The following TMC7 variants were observed in gnomAD, a reference collection of about 807,000 sequenced individuals.
TMC7 encodes the protein transmembrane channel like 7.
TMC7 carries 54 observed loss-of-function variants against 82.9 expected under a neutral mutation model. The observed-to-expected ratio is 0.65, with a 90% CI of 0.52 to 0.82. The LOEUF (loss-of-function observed/expected upper bound fraction) is 0.82. TMC7 is among the 40% of genes least tolerant of loss of function. The pLI is 0.00. For synonymous variants in TMC7, 350 were observed against 337.9 expected (o/e 1.04, Z -0.39); for missense variants, 820 against 901.2 (o/e 0.91, Z 1.15).
At chr16:19,057,138 C>G (rs1373801715) in intron 14 of TMC7, among the ~76,000 whole-genome samples, 1 of 151,950 alleles carries the variant, frequency 6.6e-6, no homozygotes, top group African/African-American at 2.4e-5. Flanking sequence ...GACCCTGTCT[C>G]AAAAACAAAT....
chr16:19,045,502 C>T (rs898646854), intron 11 of TMC7, 64 bp downstream of exon 11: 1 of 1,136,942 alleles, frequency 8.8e-7, no homozygotes, highest in Admixed American at 1.7e-5. Context: ...CACATACACA[C>T]ACACACAACT....
At position 18,987,529 on chromosome 16, in the gene TMC7, C is replaced by T. The variant is rs1471614584; in HGVS notation, c.67+3399C>T. Among the ~76,000 whole-genome samples the T allele has an allele frequency of 4.6e-5, 7 of 151,952 alleles. No individual in the cohort carries two copies. In the East Asian group the frequency reaches 1.4e-3, roughly 29 times the overall value. The stretch of plus-strand genomic sequence containing the variant: ...TTTCACTATGTTGGCTGGTCTCGAA[C>T]TCCTGACATCAAGTGATCCGCCCAC... On this transcript the variant is annotated intron_variant, in intron 1 of 15. Transcript: ENST00000304381.
chr16:19,025,315 C>T (rs372685038), intron 5 of TMC7, among the ~76,000 whole-genome samples: 1 of 152,066 alleles, frequency 6.6e-6, no homozygotes, highest in East Asian at 1.9e-4. Flanking sequence ...CTGAAAATTA[C>T]TGGTATCAAA....
intron 12 of TMC7, chr16:19,049,674 TTGGGTCA>T: frequency 1.0e-6 from 1 of 985,200 alleles, no homozygotes. Context: ...GGGTGATGGG[TTGGGTCA>T]TGGTGGGTAC....
chr16:19,025,372 C>T (rs1337176535), intron 5 of TMC7, among the ~76,000 whole-genome samples: 2 of 152,102 alleles, frequency 1.3e-5, no homozygotes, highest in East Asian at 3.9e-4. Flanking sequence ...AACCCCAGCA[C>T]TTCAGAGAGG....
At chr16:19,013,001 G>T (rs1180530632) in intron 2 of TMC7, among the ~76,000 whole-genome samples, 1 of 150,386 alleles carries the variant, frequency 6.6e-6, no homozygotes, top group African/African-American at 2.4e-5. Context: ...ATTTTTAGTA[G>T]AGACAGGGTT....
At chr16:19,042,502 C>T (rs935102251) in intron 9 of TMC7, among the ~76,000 whole-genome samples, 2 of 138,580 alleles carry the variant, frequency 1.4e-5, no homozygotes, top group African/African-American at 5.2e-5. Flanking sequence ...ATTATTCCTT[C>T]TTTTTTTTTT....
chr16:18,992,615 G>A (rs1475299901), intron 1 of TMC7, among the ~76,000 whole-genome samples: 15 of 152,152 alleles, frequency 9.9e-5, no homozygotes, highest in Non-Finnish European at 1.8e-4. Flanking sequence ...GATCCCTTTT[G>A]TCAATTTTGG....
At chr16:18,995,232 A>G (rs1485764154) in intron 1 of TMC7, among the ~76,000 whole-genome samples, 3 of 152,170 alleles carry the variant, frequency 2.0e-5, no homozygotes, top group African/African-American at 7.2e-5. Flanking sequence ...TACAACGGTT[A>G]TGGAGGCAAG....
At chr16:19,007,187 T>G (rs1295409813) in intron 1 of TMC7, among the ~76,000 whole-genome samples, 1 of 151,998 alleles carries the variant, frequency 6.6e-6, no homozygotes, top group Non-Finnish European at 1.5e-5. Context: ...AGGTTGTTGG[T>G]TCTTTTTGTA....
chr16:19,060,831 G>T (rs577038454), intron 15 of TMC7, among the ~76,000 whole-genome samples: 26 of 147,744 alleles, frequency 1.8e-4, no homozygotes, highest in African/African-American at 6.3e-4. Flanking sequence ...CTGTCACCCA[G>T]TCTGGAGTGC....
chr16:19,056,734 G>A lies in TMC7; in HGVS notation c.2027+37G>A, dbSNP rs769900749. 3.1e-6 allele frequency: 5 copies of A among 1,602,874 alleles called. No homozygotes were observed. In the African/African-American group the frequency reaches 6.7e-5, roughly 21 times the overall value. ...CCACCAGGACCCACTGAGGCACGTG[G>A]GCTCCTCCCATTGGGAAATGGCGGC... On this transcript the variant is annotated intron_variant, in intron 14 of 15. Transcript: ENST00000304381.
intron 1 of TMC7, among the ~76,000 whole-genome samples, chr16:18,992,376 T>C (rs7405443): frequency 0.46 from 70,203 of 151,748 alleles, 18,806 homozygotes; most frequent in East Asian, 0.76. Flanking sequence ...CATGTGTCTG[T>C]TGGCTTCTTA....
intron 7 of TMC7, among the ~76,000 whole-genome samples, chr16:19,037,044 C>T (rs543927910): frequency 3.6e-4 from 55 of 152,130 alleles, no homozygotes; most frequent in African/African-American, 1.3e-3. Flanking sequence ...TTGCAAAGCC[C>T]AATTGCAGTC....
chr16:19,003,235 A>G (rs1276171800), intron 1 of TMC7, among the ~76,000 whole-genome samples: 1 of 152,222 alleles, frequency 6.6e-6, no homozygotes, highest in Non-Finnish European at 1.5e-5. Flanking sequence ...GCTATTTGGG[A>G]GGCTGAGGTG....
intron 1 of TMC7, among the ~76,000 whole-genome samples, chr16:19,003,628 T>C (rs1241049106): frequency 7.1e-6 from 1 of 141,742 alleles, no homozygotes; most frequent in African/African-American, 2.7e-5. Context: ...AATCGGATGG[T>C]TGCTGTGTCT....
chr16:19,051,125 C>T (rs1250850917), intron 12 of TMC7, among the ~76,000 whole-genome samples: 2 of 152,092 alleles, frequency 1.3e-5, no homozygotes, highest in African/African-American at 4.8e-5. Flanking sequence ...CGTTAAACAT[C>T]CACATACCTG....
intron 1 of TMC7, among the ~76,000 whole-genome samples, chr16:18,988,493 G>A (rs2038893309): frequency 6.6e-6 from 1 of 152,092 alleles, no homozygotes; most frequent in African/African-American, 2.4e-5. Context: ...GTCTGGTTAT[G>A]TTGTCCAGGC....
At chr16:18,984,380 T>C (rs2142099132) in intron 1 of TMC7, 2 of 1,271,240 alleles carry the variant, frequency 1.6e-6, no homozygotes, top group South Asian at 5.3e-5. Context: ...GTCTGGACCG[T>C]GGTGGGTTTG....
Sources: allele counts gnomAD v4.1 joint callset (sites outside exome capture counted in the v4.1 genomes callset), GRCh38; gene constraint gnomAD v4.1.1; transcripts MANE v1.5; gene names NCBI Gene and HGNC (gene_info 2026-07-23, HGNC 2026-07-21).